The following TAF8 variants were observed in gnomAD, a reference collection of about 807,000 sequenced individuals.
The protein encoded by TAF8 is transcription initiation factor TFIID subunit 8.
TAF8 carries 47 observed loss-of-function variants against 36.5 expected under a neutral mutation model. The ratio of observed to expected loss-of-function variants is 1.29; its 90% CI spans 1.02 to 1.64. The LOEUF is 1.64. TAF8 is among the 40% of genes most tolerant of loss of function. TAF8 has a pLI of 0.00. For synonymous variants in TAF8, 175 were observed against 159.5 expected (o/e 1.10, Z -0.73); for missense variants, 420 against 407.6 (o/e 1.03, Z -0.26).
At chr6:42,069,687 A>G (rs1765492635) in intron 7 of TAF8, among the ~76,000 whole-genome samples, 1 of 152,112 alleles carries the variant, frequency 6.6e-6, no homozygotes, top group African/African-American at 2.4e-5. Context: ...AATTGGATAT[A>G]TAATTGGAGT....
intron 7 of TAF8, among the ~76,000 whole-genome samples, chr6:42,072,641 C>G (rs555554142): frequency 2.8e-4 from 42 of 152,128 alleles, no homozygotes; most frequent in Non-Finnish European, 5.4e-4. Context: ...TTTAATTTAT[C>G]TAGTCCCCCA....
intron 2 of TAF8, among the ~76,000 whole-genome samples, chr6:42,053,171 C>T (rs1764858383): frequency 6.6e-6 from 1 of 152,156 alleles, no homozygotes; most frequent in Admixed American, 6.6e-5. Context: ...GGACTACAGG[C>T]ATGTGCCACC....
In TAF8 at chr6:42,081,992, C is replaced by T. The variant is rs538832595; in HGVS notation, c.*4447C>T. ...ACCCACTTTCTCCCAGTGGTAGCAT[C>T]TTGCATAACTGTGGTGCAATATCAA... On this transcript the variant is annotated 3_prime_UTR_variant, in exon 9 of 9. Coordinates refer to ENST00000372977, the MANE Select transcript of TAF8 (RefSeq NM_138572.3). The T allele has an allele frequency of 2.0e-5, 3 of 152,370 alleles. No individual in the cohort carries two copies. The highest frequency in any genetic ancestry group is 4.4e-5 in the Non-Finnish European group (3 of 68,036). 9.4% of individuals were successfully genotyped at this position (152,370 alleles called of 1,614,324 possible). A position where few individuals can be genotyped will look rare whatever the true frequency, so the allele number is the denominator to read the frequency against.
downstream of TAF8, chr6:42,086,641 T>G: frequency 7.0e-7 from 1 of 1,425,988 alleles, no homozygotes; most frequent in Non-Finnish European, 9.7e-7. Flanking sequence ...TGCCAGAAGC[T>G]GCCCCCTCTT....
At chr6:42,069,793 G>C (rs1765497079) in intron 7 of TAF8, among the ~76,000 whole-genome samples, 1 of 152,198 alleles carries the variant, frequency 6.6e-6, no homozygotes, top group African/African-American at 2.4e-5. Flanking sequence ...TTCCAGGGAT[G>C]AGTGAGGATA....
intron 1 of TAF8, chr6:42,050,829 T>A: frequency 1.0e-6 from 1 of 973,222 alleles, no homozygotes; most frequent in Non-Finnish European, 1.4e-6. Flanking sequence ...ACACCCCCGA[T>A]TGGTCTGAAG....
At chr6:42,085,124 A>G (rs571421918), downstream of TAF8, among the ~76,000 whole-genome samples, 2 of 152,244 alleles carry the variant, frequency 1.3e-5, no homozygotes, top group Admixed American at 1.3e-4. Context: ...CCCTTTTTTT[A>G]TACATGAATG....
At chr6:42,074,673 T>C (rs891746440) in intron 7 of TAF8, among the ~76,000 whole-genome samples, 3 of 152,152 alleles carry the variant, frequency 2.0e-5, no homozygotes, top group Non-Finnish European at 4.4e-5. Context: ...TAGCTGGGAT[T>C]ATAGGCGCCT....
chr6:42,051,197 A>T (rs1278975652), intron 1 of TAF8, 160 bp from the exon 2 acceptor site: 2 of 1,286,920 alleles, frequency 1.6e-6, no homozygotes, highest in Non-Finnish European at 2.1e-6. Flanking sequence ...TTGGGTGCTC[A>T]ATTTTTACTC....
At chr6:42,053,457 C>T (rs538368131) in intron 2 of TAF8, among the ~76,000 whole-genome samples, 3 of 150,994 alleles carry the variant, frequency 2.0e-5, no homozygotes, top group Non-Finnish European at 4.4e-5. Flanking sequence ...TACAGCTACT[C>T]GGGAGGCTGA....
intron 5 of TAF8, among the ~76,000 whole-genome samples, chr6:42,065,126 A>G (rs1009419441): frequency 2.6e-5 from 4 of 152,072 alleles, no homozygotes; most frequent in Admixed American, 2.0e-4. Context: ...TGGGTGGATC[A>G]TCTGAGGTCA....
intron 5 of TAF8, among the ~76,000 whole-genome samples, chr6:42,061,038 T>G (rs1319140379): frequency 6.6e-6 from 1 of 152,244 alleles, no homozygotes; most frequent in African/African-American, 2.4e-5. Context: ...CCTAGAAGTT[T>G]GTTTTTTTCC....
intron 5 of TAF8, among the ~76,000 whole-genome samples, chr6:42,061,209 T>C (rs914523388): frequency 1.6e-4 from 24 of 152,240 alleles, no homozygotes; most frequent in Admixed American, 7.2e-4. Context: ...CTAGGAATTT[T>C]GGTTACTTCT....
intron 1 of TAF8, chr6:42,051,091 A>G (rs1764762369): frequency 1.8e-6 from 2 of 1,139,328 alleles, no homozygotes; most frequent in Non-Finnish European, 2.2e-6. Context: ...TATTCTAATA[A>G]TCTGCTAAAG....
chr6:42,074,931 T>C (rs1765693736), intron 7 of TAF8, among the ~76,000 whole-genome samples: 1 of 151,800 alleles, frequency 6.6e-6, no homozygotes, highest in Non-Finnish European at 1.5e-5. Context: ...TGAGGCCTGC[T>C]TGGGAGAAGG....
chr6:42,071,348 TAG>T (rs1454225692), intron 7 of TAF8: 2 of 175,524 alleles, frequency 1.1e-5, no homozygotes, highest in African/African-American at 5.9e-5. Flanking sequence ...TTTTTTTAGA[TAG>T]AGTCTCGCTC....
chr6:42,067,753 C>T (rs1348713477), intron 6 of TAF8, among the ~76,000 whole-genome samples: 3 of 151,834 alleles, frequency 2.0e-5, no homozygotes, highest in Non-Finnish European at 4.4e-5. Flanking sequence ...TTCCTAGAGA[C>T]GGGATTTCAC....
Position 42,078,141 on chromosome 6 carries a change from C to T in TAF8, c.*596C>T, listed in dbSNP as rs921591661. On this transcript the variant is annotated 3_prime_UTR_variant, in exon 9 of 9. Transcript: ENST00000372977. ...CCTGACCTCAAGTGATAACCCGCCT[C>T]GGCCTCCCAAAGTGCTGAGATTACA... The T allele has an allele frequency of 6.4e-5, 58 of 909,622 alleles. No individual in the cohort carries two copies. The highest frequency in any genetic ancestry group is 7.2e-5 in the Non-Finnish European group (55 of 760,678). 56.3% of individuals were successfully genotyped at this position (909,622 alleles called of 1,614,324 possible).
intron 7 of TAF8, among the ~76,000 whole-genome samples, chr6:42,073,242 T>C (rs557726846): frequency 6.6e-6 from 1 of 152,354 alleles, no homozygotes; most frequent in South Asian, 2.1e-4. Context: ...AACCCAGATA[T>C]CTAAGCTTTT....
Sources: allele counts gnomAD v4.1 joint callset (sites outside exome capture counted in the v4.1 genomes callset), GRCh38; gene constraint gnomAD v4.1.1; transcripts MANE v1.5; gene names NCBI Gene and HGNC (gene_info 2026-07-23, HGNC 2026-07-21).